MARCHF10: variants seen among roughly 807,000 people sequenced by gnomAD.
MARCHF10 encodes probable E3 ubiquitin-protein ligase MARCHF10.
In MARCHF10, 64 loss-of-function variants were observed where a neutral mutation model predicts 76.2. The ratio of observed to expected loss-of-function variants is 0.84; its 90% CI spans 0.69 to 1.03. The LOEUF (loss-of-function observed/expected upper bound fraction) is 1.03. Among genes scored for constraint, MARCHF10 ranks in the 50% least tolerant of loss-of-function variants. The probability of loss-of-function intolerance (pLI) is 0.00; values close to 1 mark genes in which losing one functional copy is unlikely to be tolerated. For synonymous variants in MARCHF10, 340 were observed against 357.5 expected, an observed-to-expected ratio of 0.95 and a Z score of 0.55; for missense variants, 875 against 958.0, an observed-to-expected ratio of 0.91 and a Z score of 1.14.
chr17:62,777,441 G>T (rs2092572071), intron 3 of MARCHF10, among the ~76,000 whole-genome samples: 1 of 152,150 alleles, frequency 6.6e-6, no homozygotes, highest in South Asian at 2.1e-4. Flanking sequence ...AGTAGGTATA[G>T]CCTGGGCGAA....
At chr17:62,785,239 G>T (rs1233668386) in intron 3 of MARCHF10, among the ~76,000 whole-genome samples, 1 of 152,130 alleles carries the variant, frequency 6.6e-6, no homozygotes, top group African/African-American at 2.4e-5. Flanking sequence ...ACAACCATCT[G>T]ATCTTTGACA....
chr17:62,734,962 G>T (rs1053615169), intron 6 of MARCHF10, among the ~76,000 whole-genome samples: 2 of 152,172 alleles, frequency 1.3e-5, no homozygotes, highest in African/African-American at 4.8e-5. Flanking sequence ...AAGGTCTCTT[G>T]CCCCTTAACC....
rs1315138224 is a variant in MARCHF10, at chr17:62,705,371, C to G, written c.2371+168G>C. The G allele has an allele frequency of 3.3e-6, 5 of 1,526,428 alleles. No homozygotes were observed. The African/African-American group carries it at 7.1e-5, about 22-fold the overall frequency. The allele number at this position is 1,526,428 out of a possible 1,614,324, so 94.6% of individuals were successfully genotyped here. ...TCTGCATCCAGTGAACTTGGCCTCG[C>G]CTTCCTGATTGTTTGCTGCGGCTGA... is the stretch of plus-strand genomic sequence containing the variant. On this transcript the variant is annotated intron_variant, in intron 10 of 10. Coordinates refer to ENST00000311269, the MANE Select transcript of MARCHF10 (RefSeq NM_152598.4).
intron 5 of MARCHF10, among the ~76,000 whole-genome samples, chr17:62,742,626 G>A (rs891547919): frequency 6.6e-6 from 1 of 152,038 alleles, no homozygotes; most frequent in Non-Finnish European, 1.5e-5. Flanking sequence ...AGTCCCATCC[G>A]TGGGTCCAGG....
Position 62,705,565 on chromosome 17 carries a change from G to C in MARCHF10, c.2345C>G (p.Pro782Arg). 6.2e-7 allele frequency: 1 copy of C among 1,613,984 alleles called. No homozygotes were observed. The highest frequency in any genetic ancestry group is 8.5e-7 in the Non-Finnish European group (1 of 1,179,972). Residue 782 changes from proline (P) to arginine (R), a missense_variant, in exon 10 of 11, where the codon CCA becomes CGA. Transcript: ENST00000311269. ...TTCATTTTCCTCTGTTCTGGGTTGT[G>C]GGTAATTTCTTGACAACTACAAGAA... is the stretch of plus-strand genomic sequence containing the variant. Reference protein sequence around the residue: ...VERERLSRNYPQPRTEENENS... With the variant: ...VERERLSRNYRQPRTEENENS...
intron 4 of MARCHF10, among the ~76,000 whole-genome samples, chr17:62,754,697 GC>G (rs1159168791): frequency 1.3e-5 from 2 of 152,090 alleles, no homozygotes; most frequent in Admixed American, 6.5e-5. Context: ...ACAACCCCGA[GC>G]CCCCCTGTCT....
rs573681007 is a variant in MARCHF10 at position 62,708,338 on chromosome 17, C to T, written c.2329-2757G>A. Among the ~76,000 whole-genome samples the T allele has an allele frequency of 8.5e-5, 13 of 152,056 alleles. No homozygotes were observed. The South Asian group carries it at 1.2e-3, about 15-fold the overall frequency. ...TCGGCTCACTGCAAGCTCTGCCTCC[C>T]GGGTTCACGCCATTCTCCTGCCTCA... On this transcript the variant is annotated intron_variant, in intron 9 of 10. Transcript: ENST00000311269.
chr17:62,764,779 G>A (rs570786997), intron 3 of MARCHF10, among the ~76,000 whole-genome samples: 1 of 152,344 alleles, frequency 6.6e-6, no homozygotes, highest in African/African-American at 2.4e-5. Flanking sequence ...GTAGCACGAA[G>A]CAAGCAAAAC....
At chr17:62,794,004 T>C (rs2092939202) in intron 2 of MARCHF10, among the ~76,000 whole-genome samples, 5 of 129,208 alleles carry the variant, frequency 3.9e-5, no homozygotes, top group African/African-American at 6.0e-5. Context: ...ACCTCCATCA[T>C]GACCACCATC....
At chr17:62,705,455 A>G (rs2089520262) in intron 10 of MARCHF10, 84 bp downstream of exon 10, 2 of 1,612,602 alleles carry the variant, frequency 1.2e-6, no homozygotes, top group Non-Finnish European at 1.7e-6. Flanking sequence ...CCTTCCTTCC[A>G]TGGCATTTGG....
chr17:62,705,456 T>A (rs2089520453), intron 10 of MARCHF10, 83 bp downstream of exon 10: 2 of 1,613,006 alleles, frequency 1.2e-6, no homozygotes, highest in Non-Finnish European at 1.7e-6. Flanking sequence ...CTTCCTTCCA[T>A]GGCATTTGGT....
intron 2 of MARCHF10, 122 bp downstream of exon 2, chr17:62,801,524 C>A: frequency 2.9e-6 from 2 of 684,296 alleles, no homozygotes; most frequent in Non-Finnish European, 5.0e-6. Flanking sequence ...AGTTACATAC[C>A]TAATCGGTGG....
intron 3 of MARCHF10, among the ~76,000 whole-genome samples, chr17:62,775,315 G>A (rs1261811532): frequency 6.6e-6 from 1 of 151,838 alleles, no homozygotes; most frequent in African/African-American, 2.4e-5. Flanking sequence ...TAGTAGAGAC[G>A]GGGTTTCACC....
At chr17:62,745,414 G>A (rs912149032) in intron 4 of MARCHF10, among the ~76,000 whole-genome samples, 22 of 152,204 alleles carry the variant, frequency 1.4e-4, no homozygotes, top group African/African-American at 5.1e-4. Flanking sequence ...TTGCTAAGAA[G>A]TTTCTAGGTT....
chr17:62,799,096 G>C (rs974524267), intron 2 of MARCHF10, among the ~76,000 whole-genome samples: 10 of 152,166 alleles, frequency 6.6e-5, no homozygotes, highest in African/African-American at 1.7e-4. Flanking sequence ...AGAGTGAAAA[G>C]GTTTAAAATC....
At chr17:62,714,870 C>T (rs1276217812) in intron 8 of MARCHF10, among the ~76,000 whole-genome samples, 8 of 152,012 alleles carry the variant, frequency 5.3e-5, no homozygotes, top group Non-Finnish European at 7.4e-5. Context: ...CTCAGCCTCC[C>T]GAGTAGCTGG....
intron 3 of MARCHF10, among the ~76,000 whole-genome samples, chr17:62,782,294 C>T (rs1008114104): frequency 5.9e-5 from 9 of 151,496 alleles, no homozygotes; most frequent in Admixed American, 5.9e-4. Flanking sequence ...ATAAGTTCTG[C>T]ATCCCCTCAG....
chr17:62,784,125 A>G (rs1352126200), intron 3 of MARCHF10, among the ~76,000 whole-genome samples: 1 of 152,224 alleles, frequency 6.6e-6, no homozygotes, highest in African/African-American at 2.4e-5. Flanking sequence ...AAAATCCTCA[A>G]TAAAATACTG....
intron 3 of MARCHF10, among the ~76,000 whole-genome samples, chr17:62,763,976 C>T (rs2092269877): frequency 6.6e-6 from 1 of 152,088 alleles, no homozygotes; most frequent in South Asian, 2.1e-4. Flanking sequence ...CACAGAAAGG[C>T]CCACACTGAG....
Sources: allele counts gnomAD v4.1 joint callset (sites outside exome capture counted in the v4.1 genomes callset), GRCh38; gene constraint gnomAD v4.1.1; transcripts MANE v1.5; gene names NCBI Gene and HGNC (gene_info 2026-07-23, HGNC 2026-07-21).